SLC15A4: variants seen among roughly 807,000 people sequenced by gnomAD.
SLC15A4 encodes the protein solute carrier family 15 member 4, also known as hPHT1.
In SLC15A4, 26 loss-of-function variants were observed where a neutral mutation model predicts 46.1. The observed-to-expected ratio is 0.56, with a 90% CI of 0.41 to 0.78. The LOEUF is 0.78. SLC15A4 is among the 30% of genes least tolerant of loss of function. The pLI is 0.00. For missense variants in SLC15A4, 751 were observed against 755.7 expected, an observed-to-expected ratio of 0.99 and a Z score of 0.07; for synonymous variants, 370 against 333.4, an observed-to-expected ratio of 1.11 and a Z score of -1.20.
Position 128,808,161 on chromosome 12 carries a change from A to C in SLC15A4, c.1258+627T>G, listed in dbSNP as rs551603726. Among the ~76,000 whole-genome samples the C allele has an allele frequency of 3.3e-5, 5 of 152,368 alleles. No homozygotes were observed. The East Asian group carries it at 9.6e-4, about 29-fold the overall frequency. On this transcript the variant is annotated intron_variant, in intron 5 of 7. Transcript: ENST00000266771. ...ATACCCAGCTTTATCAGCAAAAGAT[A>C]AACAACTCATTTCAGCACATAAAAA... is the stretch of plus-strand genomic sequence containing the variant.
chr12:128,798,088 A>G (rs1045441221), intron 7 of SLC15A4, among the ~76,000 whole-genome samples: 5 of 152,250 alleles, frequency 3.3e-5, no homozygotes, highest in Non-Finnish European at 7.3e-5. Flanking sequence ...TAAATTAAGA[A>G]TGAGGATTAA....
intron 5 of SLC15A4, among the ~76,000 whole-genome samples, chr12:128,802,723 T>C (rs972173546): frequency 2.6e-5 from 4 of 152,148 alleles, no homozygotes; most frequent in Non-Finnish European, 5.9e-5. Flanking sequence ...ACACAGACTC[T>C]GAAGACTAAG....
chr12:128,820,493 G>A (rs1955817646), intron 1 of SLC15A4, among the ~76,000 whole-genome samples: 2 of 152,224 alleles, frequency 1.3e-5, no homozygotes, highest in Admixed American at 1.3e-4. Context: ...TCTCCTGACT[G>A]TAACGGATAG....
chr12:128,811,132 T>C (rs1376599912), intron 2 of SLC15A4, among the ~76,000 whole-genome samples: 1 of 152,198 alleles, frequency 6.6e-6, no homozygotes, highest in Non-Finnish European at 1.5e-5. Flanking sequence ...CAAAACACTC[T>C]AATGGGGAAC....
chr12:128,823,870 G>T lies in SLC15A4; in HGVS notation c.74C>A (p.Ala25Glu). Residue 25 changes from alanine to glutamate, a missense_variant, in exon 1 of 8, where the codon GCG (alanine) becomes GAG (glutamate). Coordinates refer to ENST00000266771, the MANE Select transcript of SLC15A4 (RefSeq NM_145648.4). ...LGARRAAAAA[A>E]AAGAFAGRRA... ...CCGGCCCGCGAACGCCCCAGCCGCC[G>T]CCGCGGCCGCCGCCGCCCGCCGCGC... is the stretch of plus-strand genomic sequence containing the variant. 1.0e-6 allele frequency: 1 copy of T among 977,920 alleles called. No homozygotes were observed. Among genetic ancestry groups the T allele is most frequent in the Non-Finnish European group, 1.2e-6 (1 of 823,818 alleles). The allele number at this position is 977,920 out of a possible 1,614,324, so 60.6% of individuals were successfully genotyped here.
chr12:128,809,575 G>C, intron 3 of SLC15A4, 102 bp from the exon 4 acceptor site: 1 of 702,226 alleles, frequency 1.4e-6, no homozygotes, highest in African/African-American at 1.8e-5. Flanking sequence ...GCGACACACA[G>C]TGACTCCCAG....
At chr12:128,809,168 CA>C (rs1393450148) in intron 4 of SLC15A4, 1 of 604,488 alleles carries the variant, frequency 1.7e-6, no homozygotes, top group Non-Finnish European at 2.8e-6. Context: ...GGAAAATAAT[CA>C]GGTGAAAAAT....
At chr12:128,821,508 C>T (rs1955837319) in intron 1 of SLC15A4, among the ~76,000 whole-genome samples, 1 of 152,210 alleles carries the variant, frequency 6.6e-6, no homozygotes, top group South Asian at 2.1e-4. Context: ...GGCTATGTTC[C>T]AATAACGCTT....
intron 1 of SLC15A4, among the ~76,000 whole-genome samples, chr12:128,821,525 T>C (rs892728202): frequency 3.9e-5 from 6 of 152,244 alleles, no homozygotes; most frequent in Admixed American, 1.3e-4. Flanking sequence ...GCTTTATTTA[T>C]GGAGATTGAA....
In SLC15A4 at chr12:128,809,404, G is replaced by A; in HGVS notation, c.1081C>T (p.Pro361Ser). ...IPEISNITTT[P>S]HTLPAAWLTM... ...ATTACAATTGTTCTTACCGTGTGAG[G>A]AGTGGTTGTAATATTTGAAATTTCT... Residue 361 changes from proline to serine, a missense_variant, in exon 4 of 8, where the codon CCT becomes TCT. Transcript: ENST00000266771. 1 of 1,598,536 alleles carries A rather than the reference G, an allele frequency of 6.3e-7. No homozygotes were observed. Among genetic ancestry groups the A allele is most frequent in the Non-Finnish European group, 8.6e-7 (1 of 1,168,190 alleles).
chr12:128,799,837 T>C (rs4760589), intron 6 of SLC15A4, among the ~76,000 whole-genome samples: 79,748 of 151,996 alleles, frequency 0.52, 21,861 homozygotes, highest in Non-Finnish European at 0.62. Context: ...TCAGAGGCAA[T>C]ATACTTTATC....
intron 3 of SLC15A4, 40 bp from the exon 4 acceptor site, chr12:128,809,513 G>T: frequency 7.3e-7 from 1 of 1,362,706 alleles, no homozygotes; most frequent in Non-Finnish European, 1.0e-6. Context: ...TGGACCAACT[G>T]TGCTCTCAAA....
chr12:128,823,191 G>T (rs191430186), intron 1 of SLC15A4, among the ~76,000 whole-genome samples: 41 of 152,010 alleles, frequency 2.7e-4, no homozygotes, highest in African/African-American at 9.9e-4. Flanking sequence ...ACCTCACCCC[G>T]CCCCAGGCAA....
At chr12:128,797,050 A>G (rs1045202743) in intron 7 of SLC15A4, among the ~76,000 whole-genome samples, 8 of 152,186 alleles carry the variant, frequency 5.3e-5, no homozygotes, top group Admixed American at 1.3e-4. Flanking sequence ...GGGCCTCTTC[A>G]CAGACAGAAG....
At chr12:128,819,221 T>C (rs1305641314) in intron 1 of SLC15A4, among the ~76,000 whole-genome samples, 1 of 152,014 alleles carries the variant, frequency 6.6e-6, no homozygotes, top group Non-Finnish European at 1.5e-5. Context: ...CTGGCCAACA[T>C]GGTGAAACCC....
At chr12:128,810,604 G>A (rs571134034) in intron 2 of SLC15A4, among the ~76,000 whole-genome samples, 1 of 152,162 alleles carries the variant, frequency 6.6e-6, no homozygotes, top group Admixed American at 6.5e-5. Context: ...AAACCCTGCT[G>A]GTTTAAACTG....
At chr12:128,808,212 A>G (rs1274788723) in intron 5 of SLC15A4, among the ~76,000 whole-genome samples, 4 of 152,252 alleles carry the variant, frequency 2.6e-5, no homozygotes, top group Admixed American at 2.0e-4. Context: ...GGAAATCCTC[A>G]AAAGGATAAC....
chr12:128,811,081 G>A (rs1048495569), intron 2 of SLC15A4, among the ~76,000 whole-genome samples: 12 of 152,188 alleles, frequency 7.9e-5, no homozygotes, highest in African/African-American at 2.9e-4. Context: ...TTTAGAAAAT[G>A]AACAGGCCCC....
chr12:128,798,981 G>T (rs1387776405), intron 7 of SLC15A4, among the ~76,000 whole-genome samples: 1 of 152,200 alleles, frequency 6.6e-6, no homozygotes, highest in African/African-American at 2.4e-5. Flanking sequence ...TCCCCGTAAG[G>T]AGCGGTGGCT....
Sources: gnomAD v4.1 joint callset for allele counts (sites outside exome capture counted in the v4.1 genomes callset) on GRCh38, gnomAD v4.1.1 for gene constraint, MANE v1.5 for transcripts, NCBI Gene and HGNC (gene_info 2026-07-23, HGNC 2026-07-21) for gene names.